The following CCDC192 variants were observed in gnomAD, a reference collection of about 807,000 sequenced individuals.
CCDC192 encodes the protein coiled-coil domain containing 192.
chr5:127,871,750 G>C (rs1377618078), intron 5 of CCDC192, among the ~76,000 whole-genome samples: 1 of 152,130 alleles, frequency 6.6e-6, no homozygotes, highest in Non-Finnish European at 1.5e-5. Context: ...TCATTAACTT[G>C]GAATAATGCA....
intron 2 of CCDC192, among the ~76,000 whole-genome samples, chr5:127,723,823 T>C (rs1752159105): frequency 1.3e-5 from 2 of 152,180 alleles, no homozygotes; most frequent in South Asian, 4.1e-4. Context: ...CTTAACTTAT[T>C]TTGATAGTTT....
At chr5:127,818,491 C>A (rs964679180) in intron 5 of CCDC192, among the ~76,000 whole-genome samples, 2 of 152,134 alleles carry the variant, frequency 1.3e-5, no homozygotes, top group African/African-American at 4.8e-5. Flanking sequence ...TTCTAATGTG[C>A]AACCAAAGTT....
chr5:127,798,371 C>T (rs963391901), intron 5 of CCDC192, among the ~76,000 whole-genome samples: 4 of 152,024 alleles, frequency 2.6e-5, no homozygotes, highest in Non-Finnish European at 4.4e-5. Context: ...AAACTGAGCT[C>T]TTATATATAA....
At chr5:127,753,794 A>G (rs1248497229) in intron 2 of CCDC192, among the ~76,000 whole-genome samples, 1 of 152,194 alleles carries the variant, frequency 6.6e-6, no homozygotes, top group Non-Finnish European at 1.5e-5. Flanking sequence ...TGATTCTAAA[A>G]CATGTGGTAT....
At chr5:127,932,762 G>C (rs2126314886) in intron 6 of CCDC192, among the ~76,000 whole-genome samples, 1 of 152,228 alleles carries the variant, frequency 6.6e-6, no homozygotes, top group East Asian at 1.9e-4. Context: ...CAATAAAAAA[G>C]CTCTGCTTTC....
At chr5:127,866,070 T>C (rs1751598288) in intron 5 of CCDC192, among the ~76,000 whole-genome samples, 1 of 152,156 alleles carries the variant, frequency 6.6e-6, no homozygotes, top group South Asian at 2.1e-4. Flanking sequence ...TTGAACGCTA[T>C]CTGCGGTTCT....
At chr5:127,934,285 A>G (rs1020425775) in intron 6 of CCDC192, among the ~76,000 whole-genome samples, 1 of 152,238 alleles carries the variant, frequency 6.6e-6, no homozygotes, top group African/African-American at 2.4e-5. Context: ...CCACTGTGCC[A>G]TTACATCTCG....
intron 5 of CCDC192, among the ~76,000 whole-genome samples, chr5:127,827,300 G>T (rs944550753): frequency 1.3e-5 from 2 of 152,166 alleles, no homozygotes; most frequent in Non-Finnish European, 2.9e-5. Flanking sequence ...TACCCATTTG[G>T]TCTGTCAAGA....
At chr5:127,886,828 ATTGTAAC>A (rs1423859872) in intron 6 of CCDC192, among the ~76,000 whole-genome samples, 13 of 152,298 alleles carry the variant, frequency 8.5e-5, no homozygotes, top group South Asian at 8.3e-4. Context: ...AAATTGATTG[ATTGTAAC>A]TCAAAAAGGT....
chr5:127,906,553 AG>A (rs34728376), intron 6 of CCDC192, among the ~76,000 whole-genome samples: 1 of 152,100 alleles, frequency 6.6e-6, no homozygotes, highest in Non-Finnish European at 1.5e-5. Context: ...TGAGAGGCTG[AG>A]GGGGGTGGAT....
chr5:127,941,233 G>T lies in CCDC192; in HGVS notation c.587G>T (p.Gly196Val). The change falls in exon 7 of 7, where the codon GGT becomes GTT. Residue 196 changes from glycine to valine, a missense_variant. Transcript: ENST00000514853. ...FCGGLPPVEE[G>V]DRKISLIMEL... is the part of the protein sequence containing the mutation. ...GGAGGTCTCCCACCTGTGGAAGAAGGTGATAGAAAAATTAGCCTGATAATG... is the reference window on the plus strand; with the variant it reads ...GGAGGTCTCCCACCTGTGGAAGAAGTTGATAGAAAAATTAGCCTGATAATG... 2.5e-6 allele frequency: 1 copy of T among 399,050 alleles called. No homozygotes were observed. The highest frequency in any genetic ancestry group is 4.4e-6 in the Non-Finnish European group (1 of 226,066). The allele number at this position is 399,050 out of a possible 1,614,324, so 24.7% of individuals were successfully genotyped here.
Position 127,808,669 on chromosome 5 carries a change from A to G in CCDC192, c.411+10507A>G, listed in dbSNP as rs538832842. Among the ~76,000 whole-genome samples the G allele has an allele frequency of 6.6e-5, 10 of 152,286 alleles. No homozygotes were observed. In the South Asian group the frequency reaches 1.4e-3, roughly 22 times the overall value. On this transcript the variant is annotated intron_variant, in intron 5 of 6. Transcript: ENST00000514853. ...CTCCATCCACTACTTACTTTCAACA[A>G]CTGGCACTCATCTCCCCTAAAGGGC...
chr5:127,801,516 A>G (rs1161968987), intron 5 of CCDC192, among the ~76,000 whole-genome samples: 2 of 152,098 alleles, frequency 1.3e-5, no homozygotes, highest in African/African-American at 4.8e-5. Context: ...TACTACTAGA[A>G]TGGAGCTGCT....
At chr5:127,813,680 T>C (rs1249880453) in intron 5 of CCDC192, among the ~76,000 whole-genome samples, 1 of 152,174 alleles carries the variant, frequency 6.6e-6, no homozygotes, top group African/African-American at 2.4e-5. Context: ...TCAGTGACCA[T>C]ATTTAAAAAA....
intron 3 of CCDC192, among the ~76,000 whole-genome samples, chr5:127,790,628 C>T (rs1756816764): frequency 6.6e-6 from 1 of 152,188 alleles, no homozygotes; most frequent in Admixed American, 6.6e-5. Context: ...TCTTCCCAGC[C>T]TCTGGTAACT....
At chr5:127,825,840 T>G (rs74699679) in intron 5 of CCDC192, among the ~76,000 whole-genome samples, 1 of 152,200 alleles carries the variant, frequency 6.6e-6, no homozygotes, top group African/African-American at 2.4e-5. Flanking sequence ...TAAGAAGATA[T>G]TCCATATTTA....
chr5:127,886,962 G>T (rs1458231156), intron 6 of CCDC192, among the ~76,000 whole-genome samples: 1 of 152,174 alleles, frequency 6.6e-6, no homozygotes, highest in African/African-American at 2.4e-5. Flanking sequence ...GGCAGAACAA[G>T]TACTTACAAG....
At chr5:127,737,185 G>A (rs886800098) in intron 2 of CCDC192, among the ~76,000 whole-genome samples, 2 of 151,894 alleles carry the variant, frequency 1.3e-5, no homozygotes, top group Non-Finnish European at 2.9e-5. Context: ...ATTTCATTAT[G>A]TACCCAGTAG....
At chr5:127,813,621 C>A (rs887700794) in intron 5 of CCDC192, among the ~76,000 whole-genome samples, 12 of 152,064 alleles carry the variant, frequency 7.9e-5, no homozygotes, top group African/African-American at 2.4e-4. Context: ...TTTGCTTGAG[C>A]CTTTATGACT....
Sources: gnomAD v4.1 joint callset for allele counts (sites outside exome capture counted in the v4.1 genomes callset) on GRCh38, gnomAD v4.1.1 for gene constraint, MANE v1.5 for transcripts, NCBI Gene and HGNC (gene_info 2026-07-23, HGNC 2026-07-21) for gene names.